EP400: variants seen among roughly 807,000 people sequenced by gnomAD.
EP400 encodes the protein E1A binding protein p400, also known as E1A-binding protein p400.
Under a neutral mutation model 354.1 loss-of-function variants are expected in EP400, and 105 were observed. The observed-to-expected ratio is 0.30, with a 90% CI of 0.25 to 0.35. EP400 has a LOEUF of 0.35. Among genes scored for constraint, EP400 ranks in the 10% least tolerant of loss-of-function variants. The pLI, the probability that EP400 is intolerant of heterozygous loss-of-function variation, is 1.00. For synonymous variants in EP400, 1,646 were observed against 1,716.9 expected, an observed-to-expected ratio of 0.96 and a Z score of 1.02; for missense variants, 3,280 against 4,121.0, an observed-to-expected ratio of 0.80 and a Z score of 5.59.
intron 10 of EP400, 115 bp downstream of exon 10, chr12:131,991,571 C>CTT: frequency 7.0e-6 from 5 of 719,308 alleles, no homozygotes; most frequent in African/African-American, 2.1e-5. Context: ...TACTTCCTTT[C>CTT]TTTTCTTTTT....
chr12:131,964,640 C>G (rs1227547390), intron 2 of EP400, among the ~76,000 whole-genome samples: 1 of 152,176 alleles, frequency 6.6e-6, no homozygotes, highest in Non-Finnish European at 1.5e-5. Context: ...ATTTTAAAAA[C>G]CCCTTATATC....
intron 2 of EP400, among the ~76,000 whole-genome samples, chr12:131,971,233 A>G (rs1487034599): frequency 6.6e-6 from 1 of 152,142 alleles, no homozygotes; most frequent in Non-Finnish European, 1.5e-5. Flanking sequence ...CGTGTAAGTG[A>G]TACTGTACAG....
chr12:131,989,810 T>G (rs1039006358), intron 7 of EP400, among the ~76,000 whole-genome samples, 154 bp from the exon 8 acceptor site: 7 of 152,236 alleles, frequency 4.6e-5, no homozygotes, highest in Non-Finnish European at 1.0e-4. Context: ...TATAGTCATG[T>G]TTCTCCTAAT....
In EP400 at chr12:131,994,974, T is replaced by A; in HGVS notation, c.2827+18T>A. 1 of 1,606,082 alleles carries A rather than the reference T, an allele frequency of 6.2e-7. No homozygotes were observed. Among genetic ancestry groups the A allele is most frequent in the Non-Finnish European group, 8.5e-7 (1 of 1,173,532 alleles). ...CAAGGAAGGTAGGCTGTTGCTACCT[T>A]ATTAAACATTCAGTAAGTAAAAAGA... On this transcript the variant is annotated intron_variant, in intron 12 of 52. Coordinates refer to ENST00000389561, the MANE Select transcript of EP400 (RefSeq NM_015409.5). This position sits in a 1 kb window ranked among gnomAD's most constrained non-coding sequence, Gnocchi z 4.6.
chr12:131,972,278 G>T (rs2136479342), intron 2 of EP400, among the ~76,000 whole-genome samples: 1 of 151,816 alleles, frequency 6.6e-6, no homozygotes, highest in East Asian at 1.9e-4. Flanking sequence ...TCAGCCTCCG[G>T]AGTAGCTGAG....
At chr12:132,034,662 A>G (rs1424808613) in intron 30 of EP400, among the ~76,000 whole-genome samples, 2 of 152,218 alleles carry the variant, frequency 1.3e-5, no homozygotes, top group African/African-American at 4.8e-5. Context: ...CGCATGTTAC[A>G]AAGGTTGGCT....
intron 30 of EP400, among the ~76,000 whole-genome samples, chr12:132,034,201 A>G (rs770021380): frequency 6.6e-6 from 1 of 152,214 alleles, no homozygotes; most frequent in Non-Finnish European, 1.5e-5. Flanking sequence ...GCCCTTAGCA[A>G]TTACTAGCCA....
rs142405180 is a variant in EP400 at position 132,076,555 on chromosome 12, G to A, written c.9061G>A (p.Val3021Met). The A allele has an allele frequency of 5.0e-5, 80 of 1,613,630 alleles. No individual in the cohort carries two copies. The African/African-American group carries it at 5.5e-4, about 11-fold the overall frequency. ...LPQVVQQQTP[V>M]ASIQQVASAS... Reference sequence around the variant, plus strand: ...TCAAGTTGTTCAACAGCAAACACCCGTGGCCAGCATCCAGCAAGTTGCCTC... The same window carrying A: ...TCAAGTTGTTCAACAGCAAACACCCATGGCCAGCATCCAGCAAGTTGCCTC... The change falls in exon 52 of 53, where the codon GTG becomes ATG. Residue 3021 changes from valine (V) to methionine (M), a missense_variant. By Grantham distance (21) the Val-to-Met change is conservative. This residue lies in a region of EP400 where 279 missense variants were observed against 386.7 expected (regional missense o/e 0.72). Coordinates refer to ENST00000389561, the MANE Select transcript of EP400 (RefSeq NM_015409.5).
intron 12 of EP400, among the ~76,000 whole-genome samples, chr12:132,001,022 A>T (rs1327156318): frequency 6.6e-6 from 1 of 152,164 alleles, no homozygotes; most frequent in Admixed American, 6.5e-5. Flanking sequence ...TTCCTAGCGT[A>T]CTTTGTGATT....
chr12:132,077,204 C>G (rs1187785559), intron 52 of EP400, among the ~76,000 whole-genome samples, 197 bp from the exon 53 acceptor site: 1 of 152,222 alleles, frequency 6.6e-6, no homozygotes, highest in African/African-American at 2.4e-5. Flanking sequence ...AGTCTAAAAG[C>G]AACCATCTTT....
chr12:132,060,698 T>G (rs1012573176), intron 45 of EP400, among the ~76,000 whole-genome samples: 1 of 152,140 alleles, frequency 6.6e-6, no homozygotes, highest in African/African-American at 2.4e-5. Context: ...CGGGCAGATC[T>G]GAGGTTGGGA....
At chr12:132,012,438 A>G (rs1219993517) in intron 16 of EP400, among the ~76,000 whole-genome samples, 1 of 152,146 alleles carries the variant, frequency 6.6e-6, no homozygotes, top group Non-Finnish European at 1.5e-5. Flanking sequence ...AAGGGATGGA[A>G]GGGCAAAAGG....
intron 12 of EP400, among the ~76,000 whole-genome samples, chr12:132,002,193 C>G (rs949159676): frequency 6.6e-6 from 1 of 152,172 alleles, no homozygotes; most frequent in African/African-American, 2.4e-5. Flanking sequence ...CCCTATGTCT[C>G]TAAATTGGAG....
chr12:131,985,890 G>A (rs1420731896), intron 5 of EP400, among the ~76,000 whole-genome samples: 2 of 152,218 alleles, frequency 1.3e-5, no homozygotes, highest in East Asian at 3.8e-4. Flanking sequence ...TTATAGGCGT[G>A]AGCCACTGCG....
At chr12:132,041,862 T>C (rs1199307563) in intron 32 of EP400, among the ~76,000 whole-genome samples, 1 of 152,192 alleles carries the variant, frequency 6.6e-6, no homozygotes, top group African/African-American at 2.4e-5. Context: ...TCTTCATATA[T>C]TTACTGGCAG....
At chr12:132,049,623 G>A (rs1895229226) in intron 39 of EP400, among the ~76,000 whole-genome samples, 1 of 152,204 alleles carries the variant, frequency 6.6e-6, no homozygotes, top group Admixed American at 6.5e-5. Flanking sequence ...GGAGCATGGG[G>A]GAAGAGCCCT....
rs74649189 is a variant in EP400 at position 132,065,339 on chromosome 12, G to A, written c.8553+453G>A. Reference sequence around the variant, plus strand: ...AGATTTCAGAAGGGACTAGCATCAGGCGCAAGTGCTGTCTGGGAAGACTGG... The same window carrying A: ...AGATTTCAGAAGGGACTAGCATCAGACGCAAGTGCTGTCTGGGAAGACTGG... On this transcript the variant is annotated intron_variant, in intron 48 of 52. Coordinates refer to ENST00000389561, the MANE Select transcript of EP400 (RefSeq NM_015409.5). The A allele has an allele frequency of 1.6e-4, 27 of 172,064 alleles. 1 individual carries two copies. The East Asian group carries it at 4.0e-3, about 26-fold the overall frequency. The allele number at this position is 172,064 out of a possible 1,614,324, so 10.7% of individuals were successfully genotyped here.
At chr12:131,970,332 T>G (rs372412497) in intron 2 of EP400, among the ~76,000 whole-genome samples, 1 of 152,164 alleles carries the variant, frequency 6.6e-6, no homozygotes, top group African/African-American at 2.4e-5. Context: ...AATCCGTTGA[T>G]GTAGAGCTGT....
At chr12:132,041,643 TA>T (rs751392289) in intron 32 of EP400, among the ~76,000 whole-genome samples, 2 of 152,246 alleles carry the variant, frequency 1.3e-5, no homozygotes, top group Non-Finnish European at 2.9e-5. Flanking sequence ...TGTCTTTTGG[TA>T]AGCACGTATG....
Sources: gnomAD v4.1 joint callset for allele counts (sites outside exome capture counted in the v4.1 genomes callset) on GRCh38, gnomAD v4.1.1 for gene constraint, gnomAD v4.1.1 regional missense constraint, Gnocchi (gnomAD v3.1) non-coding constraint, MANE v1.5 for transcripts, NCBI Gene and HGNC (gene_info 2026-07-23, HGNC 2026-07-21) for gene names.